CSTL1: variants seen among roughly 807,000 people sequenced by gnomAD.
CSTL1 encodes cystatin like 1, also known as cystatin-like 1.
CSTL1 carries 14 observed loss-of-function variants against 14.4 expected under a neutral mutation model. The observed-to-expected ratio is 0.97, with a 90% CI of 0.64 to 1.52. The LOEUF (loss-of-function observed/expected upper bound fraction) is 1.52. Among genes scored for constraint, CSTL1 ranks in the 40% most tolerant of loss-of-function variants. The probability of loss-of-function intolerance (pLI) is 0.00; values close to 1 mark genes in which losing one functional copy is unlikely to be tolerated. For synonymous variants in CSTL1, 72 were observed against 67.5 expected, an observed-to-expected ratio of 1.07 and a Z score of -0.33; for missense variants, 170 against 168.7, an observed-to-expected ratio of 1.01 and a Z score of -0.04.
At chr20:23,457,865 T>G in the CSTL1 span, among the ~76,000 whole-genome samples, 1 of 152,194 alleles carries the variant, frequency 6.6e-6, no homozygotes, top group African/African-American at 2.4e-5. Context: ...CACTGTAAAC[T>G]GAATCTCCTC....
the CSTL1 span, among the ~76,000 whole-genome samples, chr20:23,460,175 G>C: frequency 6.6e-6 from 1 of 152,172 alleles, no homozygotes; most frequent in East Asian, 1.9e-4. Flanking sequence ...CTGCTTCACA[G>C]CTCAGAAGGC....
chr20:23,446,367 T>C (rs1406155473), downstream of CSTL1, among the ~76,000 whole-genome samples: 5 of 152,178 alleles, frequency 3.3e-5, no homozygotes, highest in Non-Finnish European at 5.9e-5. Flanking sequence ...CCAATTCTTC[T>C]GCCTCAGCCT....
At position 23,443,115 on chromosome 20, in the gene CSTL1, A is replaced by C. The variant is rs147441987; in HGVS notation, c.220-819A>C. ...TTCCTTCATTTCTGTACACGCTAGG[A>C]GGAAACTGGCATTATTCTCCTCATT... On this transcript the variant is annotated intron_variant, in intron 2 of 3. Coordinates refer to ENST00000347397, the MANE Select transcript of CSTL1 (RefSeq NM_138283.1). 1.9e-3 allele frequency among the ~76,000 whole-genome samples: 287 copies of C among 152,230 alleles called. 2 individuals carry two copies. The highest frequency in any genetic ancestry group is 6.6e-3 in the African/African-American group (276 of 41,528).
chr20:23,450,041 C>T, the CSTL1 span, among the ~76,000 whole-genome samples: 3 of 152,150 alleles, frequency 2.0e-5, no homozygotes, highest in Admixed American at 1.3e-4. Context: ...GTGATTTCTT[C>T]TTATTTCACA....
At chr20:23,442,128 CATTTGATGTCATTCACAT>C (rs1986849521) in intron 2 of CSTL1, 1 of 152,298 alleles carries the variant, frequency 6.6e-6, no homozygotes, top group Non-Finnish European at 1.5e-5. Context: ...TAATGATGAG[CATTTGATGTCATTCACAT>C]TGATAAGCAG....
chr20:23,455,088 T>C, the CSTL1 span, among the ~76,000 whole-genome samples: 1 of 152,126 alleles, frequency 6.6e-6, no homozygotes, highest in Non-Finnish European at 1.5e-5. Flanking sequence ...CATGAAGTAA[T>C]CTGGAGAACA....
At chr20:23,444,678 A>G in intron 3 of CSTL1, 93 bp from the exon 4 acceptor site, 1 of 773,388 alleles carries the variant, frequency 1.3e-6, no homozygotes, top group South Asian at 1.5e-5. Flanking sequence ...GGGGTTCATG[A>G]GCAGCCACAG....
chr20:23,441,022 G>A (rs1175749903), intron 2 of CSTL1: 3 of 176,548 alleles, frequency 1.7e-5, no homozygotes, highest in Admixed American at 5.8e-5. Flanking sequence ...GCCTCCCAAA[G>A]TGCCGGAGTT....
downstream of CSTL1, among the ~76,000 whole-genome samples, chr20:23,446,667 T>C (rs566200605): frequency 6.6e-6 from 1 of 152,300 alleles, no homozygotes; most frequent in African/African-American, 2.4e-5. Context: ...AAGACCTGTG[T>C]TTTCTCCTCT....
downstream of CSTL1, among the ~76,000 whole-genome samples, chr20:23,445,231 CTTTT>C (rs11478198): frequency 3.0e-5 from 4 of 134,166 alleles, no homozygotes; most frequent in Non-Finnish European, 3.2e-5. Context: ...TTCTTTCTTT[CTTTT>C]TTTTTTTTTT....
the CSTL1 span, among the ~76,000 whole-genome samples, chr20:23,451,390 C>T: frequency 6.6e-6 from 1 of 152,186 alleles, no homozygotes; most frequent in Non-Finnish European, 1.5e-5. Flanking sequence ...TCCTCACCTC[C>T]TCCTCCCCCT....
chr20:23,445,995 G>A (rs1028515244), downstream of CSTL1, among the ~76,000 whole-genome samples: 6 of 152,166 alleles, frequency 3.9e-5, no homozygotes, highest in Admixed American at 1.3e-4. Flanking sequence ...TGTGTCACAA[G>A]GAAGCTCCTT....
chr20:23,455,586 C>T, the CSTL1 span, among the ~76,000 whole-genome samples: 2 of 152,220 alleles, frequency 1.3e-5, no homozygotes, highest in African/African-American at 4.8e-5. Flanking sequence ...TGGATCCCCT[C>T]CCATGTGTGC....
Position 23,444,010 on chromosome 20 carries a change from CT to C in CSTL1, c.298del (p.Ser100ProfsTer9). 1 of 1,614,118 alleles carries C rather than the reference CT, an allele frequency of 6.2e-7. No individual in the cohort carries two copies. Among genetic ancestry groups the C allele is most frequent in the Admixed American group, 1.7e-5 (1 of 60,032 alleles). The part of the protein sequence containing the change: ...TKCKRNDTSN[S>X]SCPLQSKKLR... Reference sequence around the variant, plus strand: ...TGCAAGAGGAATGACACGAGCAATTCTTCCTGCCCCCTGCAAAGCAAGAAGC... The same window carrying C: ...TGCAAGAGGAATGACACGAGCAATTCTCCTGCCCCCTGCAAAGCAAGAAGC... On this transcript the variant is annotated frameshift_variant, in exon 3 of 4. Transcript: ENST00000347397. LOFTEE classifies it low-confidence loss of function (END_TRUNC).
intron 2 of CSTL1, among the ~76,000 whole-genome samples, chr20:23,441,540 A>G (rs989898666): frequency 2.6e-5 from 4 of 152,196 alleles, no homozygotes; most frequent in Admixed American, 2.0e-4. Context: ...TGTAAAATGG[A>G]ATAGTGTTTC....
chr20:23,448,612 T>A (rs887996576), downstream of CSTL1, among the ~76,000 whole-genome samples: 3 of 152,192 alleles, frequency 2.0e-5, no homozygotes, highest in Non-Finnish European at 4.4e-5. Flanking sequence ...ACTAATTTTT[T>A]AAAAAACTTC....
chr20:23,448,859 T>C (rs573898465), downstream of CSTL1, among the ~76,000 whole-genome samples: 6 of 152,300 alleles, frequency 3.9e-5, no homozygotes, highest in African/African-American at 1.4e-4. Flanking sequence ...AGGCACTGTG[T>C]TAAGCAATTT....
chr20:23,452,920 A>C, the CSTL1 span: 2 of 779,110 alleles, frequency 2.6e-6, no homozygotes, highest in Non-Finnish European at 4.2e-6. Context: ...CTGGTGGTGG[A>C]CACCCACAGC....
chr20:23,452,838 G>A, the CSTL1 span: 79 of 1,555,702 alleles, frequency 5.1e-5, no homozygotes, highest in East Asian at 1.5e-3. Flanking sequence ...AACAGGAAGA[G>A]TGTTCTCTGT....
Sources: gnomAD v4.1 joint callset for allele counts (sites outside exome capture counted in the v4.1 genomes callset) on GRCh38, gnomAD v4.1.1 for gene constraint, MANE v1.5 for transcripts, NCBI Gene and HGNC (gene_info 2026-07-23, HGNC 2026-07-21) for gene names.